KDM5A: variants seen among roughly 807,000 people sequenced by gnomAD.
KDM5A encodes the protein lysine-specific demethylase 5A.
In KDM5A, 42 loss-of-function variants were observed where a neutral mutation model predicts 193.5. That is an observed-to-expected ratio of 0.22 (90% CI 0.17 to 0.28). The LOEUF is 0.28. KDM5A is among the 10% of genes least tolerant of loss of function. The pLI, the probability that KDM5A is intolerant of heterozygous loss-of-function variation, is 1.00. For missense variants in KDM5A, 1,692 were observed against 2,055.1 expected (o/e 0.82, Z 3.42); for synonymous variants, 796 against 718.1 (o/e 1.11, Z -1.73).
intron 18 of KDM5A, among the ~76,000 whole-genome samples, chr12:318,806 A>G (rs1425629756): frequency 6.6e-6 from 1 of 152,226 alleles, no homozygotes; most frequent in East Asian, 1.9e-4. Flanking sequence ...GACAGTGAAC[A>G]TAGGAATAAA....
chr12:355,415 C>G (rs1231952652), intron 6 of KDM5A, among the ~76,000 whole-genome samples, 166 bp from the exon 7 acceptor site: 1 of 152,196 alleles, frequency 6.6e-6, no homozygotes, highest in Non-Finnish European at 1.5e-5. Flanking sequence ...ACCTGAGGTA[C>G]AGCAAAGTTA....
chr12:379,538 T>C (rs199779537), intron 3 of KDM5A, among the ~76,000 whole-genome samples: 8 of 152,184 alleles, frequency 5.3e-5, no homozygotes, highest in African/African-American at 1.9e-4. Context: ...TACACCTCAA[T>C]GTAAAAGAAA....
At position 328,921 on chromosome 12, in the gene KDM5A, C is replaced by A; in HGVS notation, c.1882G>T (p.Asp628Tyr). The part of the protein sequence containing the change: ...FKMAADPECL[D>Y]VGLAAMVCKE... Reference sequence around the variant, plus strand: ...CAGACCATGGCAGCCAGCCCCACATCTAAGCATTCTGGATCTGCTGCCATC... The same window carrying A: ...CAGACCATGGCAGCCAGCCCCACATATAAGCATTCTGGATCTGCTGCCATC... The change falls in exon 14 of 28, where the codon GAT becomes TAT. Residue 628 changes from aspartate (D) to tyrosine (Y), a missense_variant. Physicochemically the swap from Asp to Tyr is radical, Grantham distance 160. Around this residue, in one of 11 missense-constraint regions of KDM5A, gnomAD observed 88 missense variants for 124.6 expected, o/e 0.71. Transcript: ENST00000399788. 6.2e-7 allele frequency: 1 copy of A among 1,614,214 alleles called. No individual in the cohort carries two copies. The highest frequency in any genetic ancestry group is 8.5e-7 in the Non-Finnish European group (1 of 1,180,020).
At chr12:292,639 A>C (rs1485703481) in intron 27 of KDM5A, 120 bp downstream of exon 27, 1 of 1,215,882 alleles carries the variant, frequency 8.2e-7, no homozygotes, top group East Asian at 2.3e-5. Flanking sequence ...TACAAAAGAC[A>C]TTATGTTGGA....
intron 26 of KDM5A, 82 bp downstream of exon 26, chr12:295,491 C>T: frequency 2.3e-6 from 3 of 1,330,166 alleles, no homozygotes; most frequent in East Asian, 2.3e-5. Context: ...TCAGCCACCC[C>T]TTTGCCAACA....
At chr12:343,699 A>C (rs1944035330) in intron 10 of KDM5A, among the ~76,000 whole-genome samples, 1 of 152,230 alleles carries the variant, frequency 6.6e-6, no homozygotes, top group Admixed American at 6.5e-5. Context: ...AAAACTAACA[A>C]ACAGAAAGGA....
At chr12:352,610 T>C (rs1944177506) in intron 8 of KDM5A, among the ~76,000 whole-genome samples, 1 of 152,256 alleles carries the variant, frequency 6.6e-6, no homozygotes, top group African/African-American at 2.4e-5. Flanking sequence ...AAAGGACTAC[T>C]GACTTGGAAT....
rs1944310051 is a variant in KDM5A at position 362,943 on chromosome 12, A to C, written c.672+20T>G. 1 of 1,613,184 alleles carries C rather than the reference A, an allele frequency of 6.2e-7. No individual in the cohort carries two copies. Among genetic ancestry groups the C allele is most frequent in the Non-Finnish European group, 8.5e-7 (1 of 1,179,270 alleles). On this transcript the variant is annotated intron_variant, in intron 5 of 27. Transcript: ENST00000399788. ...CTACATCTTTATTTAAAAATTTAAA[A>C]AAGCCCAAGACATTGATACCTGAGT... is the stretch of plus-strand genomic sequence containing the variant.
At chr12:293,788 A>AAGG (rs1555126245) in intron 26 of KDM5A, among the ~76,000 whole-genome samples, 12 of 82,886 alleles carry the variant, frequency 1.4e-4, no homozygotes, top group African/African-American at 5.3e-4. Context: ...CAAAAAAAAA[A>AAGG]GGGGGGGGGG....
At chr12:310,315 T>C (rs1943567342) in intron 21 of KDM5A, among the ~76,000 whole-genome samples, 1 of 152,152 alleles carries the variant, frequency 6.6e-6, no homozygotes, top group South Asian at 2.1e-4. Context: ...ATATACAAAT[T>C]TGTGCTTCGG....
chr12:288,423 TACTATGTTTAGA>T (rs1943248511), intron 27 of KDM5A, among the ~76,000 whole-genome samples: 1 of 152,214 alleles, frequency 6.6e-6, no homozygotes, highest in Non-Finnish European at 1.5e-5. Flanking sequence ...ACAAATAGGT[TACTATGTTTAGA>T]TCTGGGGGAA....
chr12:364,779 C>CA (rs61342800), intron 4 of KDM5A, among the ~76,000 whole-genome samples: 79,362 of 111,024 alleles, frequency 0.71, 27,456 homozygotes, highest in Middle Eastern at 0.76. Context: ...AGTCTCATCT[C>CA]AAAAAAAAAA....
rs1335996948 is a variant in KDM5A, at chr12:366,097, G to C, written c.374C>G (p.Ala125Gly). 6.2e-7 allele frequency: 1 copy of C among 1,613,680 alleles called. No homozygotes were observed. The highest frequency in any genetic ancestry group is 1.1e-5 in the South Asian group (1 of 90,998). Residue 125 changes from alanine to glycine, a missense_variant, in exon 4 of 28, where the codon GCC becomes GGC. Ala to Gly is a moderately conservative substitution (Grantham distance 60). Coordinates refer to ENST00000399788, the MANE Select transcript of KDM5A (RefSeq NM_001042603.3). Reference protein sequence around the residue: ...LDLYALSKIVASKGGFEMVTK... With the variant: ...LDLYALSKIVGSKGGFEMVTK... ...GACCATTTCAAAACCTCCTTTGCTG[G>C]CAACAATCTGAAAAGAAAGTAAAAG...
At chr12:333,688 G>A (rs751087729) in intron 11 of KDM5A, 39 bp from the exon 12 acceptor site, 5 of 1,574,960 alleles carry the variant, frequency 3.2e-6, no homozygotes, top group Non-Finnish European at 4.4e-6. Flanking sequence ...GCAGAACATG[G>A]TACCAATGAG....
chr12:334,000 T>G (rs1413428036), intron 11 of KDM5A, among the ~76,000 whole-genome samples: 1 of 152,230 alleles, frequency 6.6e-6, no homozygotes, highest in Non-Finnish European at 1.5e-5. Flanking sequence ...CAGAGGTCCA[T>G]GTGAATAATG....
At chr12:290,433 C>T (rs752618504) in intron 27 of KDM5A, among the ~76,000 whole-genome samples, 1 of 152,168 alleles carries the variant, frequency 6.6e-6, no homozygotes, top group Admixed American at 6.5e-5. Flanking sequence ...CTTTACGTAT[C>T]GTAACAGTTC....
chr12:304,067 C>T (rs933270501), intron 24 of KDM5A, among the ~76,000 whole-genome samples: 5 of 152,280 alleles, frequency 3.3e-5, no homozygotes, highest in Admixed American at 2.6e-4. Context: ...GTTAAGTGAG[C>T]TCTGATTAGG....
At chr12:352,361 A>G (rs1407129538) in intron 8 of KDM5A, 37 bp from the exon 9 acceptor site, 1 of 1,593,998 alleles carries the variant, frequency 6.3e-7, no homozygotes, top group South Asian at 1.1e-5. Context: ...ACTTACTGAA[A>G]CTAAACTGAA....
In KDM5A at chr12:310,950, G is replaced by A. The variant is rs1281370065; in HGVS notation, c.3151C>T (p.Arg1051Trp). The stretch of plus-strand genomic sequence containing the variant: ...CGCCCAGTCCGTTCTCTCCATGCCC[G>A]TGCTGCTGCTACCTGTGATTCCACT... ...PQVESQVAAA[R>W]AWRERTGRTF... Residue 1051 changes from arginine (R) to tryptophan (W), a missense_variant, in exon 21 of 28, where the codon CGG (arginine) becomes TGG (tryptophan). Transcript: ENST00000399788. The A allele has an allele frequency of 4.3e-6, 7 of 1,614,056 alleles. No individual in the cohort carries two copies. The highest frequency in any genetic ancestry group is 5.9e-6 in the Non-Finnish European group (7 of 1,180,034).
Sources: allele counts gnomAD v4.1 joint callset (sites outside exome capture counted in the v4.1 genomes callset), GRCh38; gene constraint gnomAD v4.1.1; regional missense constraint gnomAD v4.1.1; transcripts MANE v1.5; gene names NCBI Gene and HGNC (gene_info 2026-07-23, HGNC 2026-07-21).